Variants in FLVCR2 observed in about 807,000 individuals in gnomAD.
FLVCR2 encodes the protein choline/ethanolamine transporter FLVCR2.
In FLVCR2, 38 loss-of-function variants were observed where a neutral mutation model predicts 48.9. The ratio of observed to expected loss-of-function variants is 0.78; its 90% CI spans 0.60 to 1.02. The LOEUF (loss-of-function observed/expected upper bound fraction) is 1.02, where lower values mean the gene tolerates loss of function less well. Ranked by LOEUF, FLVCR2 falls within the 50% of genes least tolerant of loss-of-function variation. FLVCR2 has a pLI of 0.00. For missense variants in FLVCR2, 664 were observed against 663.3 expected, an observed-to-expected ratio of 1.00 and a Z score of -0.01; for synonymous variants, 255 against 257.0, an observed-to-expected ratio of 0.99 and a Z score of 0.07.
At chr14:75,585,614 G>A (rs113819441) in intron 1 of FLVCR2, among the ~76,000 whole-genome samples, 81 of 152,226 alleles carry the variant, frequency 5.3e-4, no homozygotes, top group Middle Eastern at 3.4e-3. Context: ...AGGTGTCCCC[G>A]CAATTGACTT....
intron 1 of FLVCR2, among the ~76,000 whole-genome samples, chr14:75,612,159 A>G (rs1321906843): frequency 6.6e-6 from 1 of 152,096 alleles, no homozygotes; most frequent in African/African-American, 2.4e-5. Context: ...TTCAAAGAGT[A>G]TATATATTTA....
At chr14:75,591,514 C>G (rs1888876329) in intron 1 of FLVCR2, among the ~76,000 whole-genome samples, 1 of 152,240 alleles carries the variant, frequency 6.6e-6, no homozygotes, top group Non-Finnish European at 1.5e-5. Context: ...AATCACATGG[C>G]TTTGCTGGAC....
chr14:75,605,672 G>A (rs2140021723), intron 1 of FLVCR2: 5 of 1,518,514 alleles, frequency 3.3e-6, no homozygotes, highest in Non-Finnish European at 1.8e-6. Context: ...GTTCAGCCGT[G>A]TGTCCGGAGC....
chr14:75,596,238 G>A (rs1003085009), intron 1 of FLVCR2: 18 of 620,102 alleles, frequency 2.9e-5, no homozygotes, highest in African/African-American at 5.5e-5. Context: ...AGCCAGGGAG[G>A]AAAAGCATGA....
chr14:75,600,968 C>T (rs979717248), intron 1 of FLVCR2, among the ~76,000 whole-genome samples: 6 of 151,964 alleles, frequency 3.9e-5, no homozygotes, highest in African/African-American at 1.5e-4. Flanking sequence ...TGGGGAGACC[C>T]TAACCTAGCC....
At chr14:75,604,893 C>T (rs746877665) in intron 1 of FLVCR2, among the ~76,000 whole-genome samples, 1 of 152,234 alleles carries the variant, frequency 6.6e-6, no homozygotes, top group East Asian at 1.9e-4. Context: ...AATATGGGTG[C>T]AGGAAGTTGG....
At position 75,583,711 on chromosome 14, in the gene FLVCR2, A is replaced by T. The variant is rs1423475496; in HGVS notation, c.669+4070A>T. Among the ~76,000 whole-genome samples, 5 of 152,196 alleles carry T rather than the reference A, an allele frequency of 3.3e-5. No homozygotes were observed. The East Asian group carries it at 9.6e-4, about 29-fold the overall frequency. ...GGAGTGCATAAAGGAATGTTGTCCA[A>T]GTTGGCACCAGAGCTGGGGAGTTTT... On this transcript the variant is annotated intron_variant, in intron 1 of 9. Transcript: ENST00000238667.
In FLVCR2 at chr14:75,646,398, T is replaced by C. The variant is rs754660262; in HGVS notation, c.1510-3T>C. The C allele has an allele frequency of 9.9e-6, 16 of 1,612,666 alleles. No individual in the cohort carries two copies. The South Asian group carries it at 1.3e-4, about 13-fold the overall frequency. On this transcript the variant is annotated splice_region_variant and splice_polypyrimidine_tract_variant and intron_variant, in intron 9 of 9. Transcript: ENST00000238667. ...AGCACTGCCTGTTTGTTTTGCTTTA[T>C]AGAAACTCCAAGAGGAGGAGGAGGA... is the stretch of plus-strand genomic sequence containing the variant.
chr14:75,596,237 G>C, intron 1 of FLVCR2: 1 of 621,218 alleles, frequency 1.6e-6, no homozygotes, highest in Non-Finnish European at 2.9e-6. Context: ...CAGCCAGGGA[G>C]GAAAAGCATG....
intron 3 of FLVCR2, among the ~76,000 whole-genome samples, chr14:75,633,411 G>C (rs934836975): frequency 3.3e-5 from 5 of 152,146 alleles, no homozygotes; most frequent in African/African-American, 1.2e-4. Flanking sequence ...TGTGGCTAAG[G>C]GAAGGTTAAA....
intron 5 of FLVCR2, among the ~76,000 whole-genome samples, chr14:75,637,431 G>A (rs746075433): frequency 6.6e-6 from 1 of 152,310 alleles, no homozygotes; most frequent in Admixed American, 6.5e-5. Flanking sequence ...GTAAAGAAAA[G>A]CTTTAAAGAT....
chr14:75,595,664 T>C (rs939232935), intron 1 of FLVCR2: 11 of 585,056 alleles, frequency 1.9e-5, no homozygotes, highest in Admixed American at 9.4e-5. Flanking sequence ...GTTATTGCTA[T>C]TGACAGCAAA....
At chr14:75,596,058 G>A (rs1889011084) in intron 1 of FLVCR2, 3 of 1,258,548 alleles carry the variant, frequency 2.4e-6, no homozygotes, top group Admixed American at 3.4e-5. Flanking sequence ...ATCCAGTGTG[G>A]TCTTGTACAT....
At chr14:75,640,778 G>A (rs1226083264) in intron 6 of FLVCR2, 177 bp from the exon 7 acceptor site, 1 of 657,178 alleles carries the variant, frequency 1.5e-6, no homozygotes, top group Non-Finnish European at 2.8e-6. Flanking sequence ...CTGGCCTTCA[G>A]GGGTGCCCGT....
At chr14:75,609,350 T>C (rs935495137) in intron 1 of FLVCR2, among the ~76,000 whole-genome samples, 4 of 152,178 alleles carry the variant, frequency 2.6e-5, no homozygotes, top group Non-Finnish European at 4.4e-5. Flanking sequence ...TATTAGGAGA[T>C]GTTTTTAGCT....
chr14:75,608,578 T>C (rs1889357422), intron 1 of FLVCR2, among the ~76,000 whole-genome samples: 1 of 152,204 alleles, frequency 6.6e-6, no homozygotes, highest in Admixed American at 6.5e-5. Flanking sequence ...CCTGAGGGCA[T>C]GGTGGTCCTG....
intron 5 of FLVCR2, among the ~76,000 whole-genome samples, chr14:75,637,585 G>C (rs984480794): frequency 6.6e-6 from 1 of 152,066 alleles, no homozygotes; most frequent in Admixed American, 6.6e-5. Flanking sequence ...AAAAACATTA[G>C]CCAGGCGTGG....
chr14:75,582,045 T>A (rs952335282), intron 1 of FLVCR2, among the ~76,000 whole-genome samples: 1 of 152,034 alleles, frequency 6.6e-6, no homozygotes, highest in African/African-American at 2.4e-5. Context: ...GAGTGACCGA[T>A]GAGAAGGAGA....
intron 1 of FLVCR2, among the ~76,000 whole-genome samples, chr14:75,612,866 C>A (rs946640310): frequency 1.3e-5 from 2 of 152,228 alleles, no homozygotes; most frequent in African/African-American, 4.8e-5. Flanking sequence ...CTAGCCTGGT[C>A]TCCTCCACTT....
Sources: allele counts gnomAD v4.1 joint callset (sites outside exome capture counted in the v4.1 genomes callset), GRCh38; gene constraint gnomAD v4.1.1; transcripts MANE v1.5; gene names NCBI Gene and HGNC (gene_info 2026-07-23, HGNC 2026-07-21).